The following NXN variants were observed in gnomAD, a reference collection of about 807,000 sequenced individuals.
The protein encoded by NXN is nucleoredoxin 1.
Under a neutral mutation model 48.6 loss-of-function variants are expected in NXN, and 16 were observed. The observed-to-expected ratio is 0.33, with a 90% CI of 0.22 to 0.50. The LOEUF is 0.50. NXN is among the 20% of genes least tolerant of loss of function. The pLI is 0.98. For missense variants in NXN, 492 were observed against 605.5 expected (o/e 0.81, Z 1.97); for synonymous variants, 281 against 269.6 (o/e 1.04, Z -0.41).
chr17:934,087 G>T (rs1444432181), intron 1 of NXN, among the ~76,000 whole-genome samples: 2 of 152,194 alleles, frequency 1.3e-5, no homozygotes, highest in Non-Finnish European at 1.5e-5. Flanking sequence ...CATACATGCA[G>T]ACTATGGGGA....
intron 1 of NXN, among the ~76,000 whole-genome samples, chr17:961,299 C>G (rs1332530302): frequency 6.6e-6 from 1 of 151,688 alleles, no homozygotes; most frequent in Non-Finnish European, 1.5e-5. Flanking sequence ...GCGGGAGAAT[C>G]GCTTGAACCC....
rs1911156901 is a variant in NXN at position 800,724 on chromosome 17, C to T, written c.*225G>A. The T allele has an allele frequency of 1.1e-5, 4 of 374,064 alleles. No homozygotes were observed. Among genetic ancestry groups the T allele is most frequent in the African/African-American group, 2.1e-5 (1 of 48,086 alleles). The allele number at this position is 374,064 out of a possible 1,614,324, so 23.2% of individuals were successfully genotyped here. A position where few individuals can be genotyped will look rare whatever the true frequency, so the allele number is the denominator to read the frequency against. ...GCTCTGGCCGGGCCCCCGGCCATCC[C>T]GTGCTCCCAAACAGAGTCTCCAAAC... On this transcript the variant is annotated 3_prime_UTR_variant, in exon 8 of 8. Transcript: ENST00000336868.
intron 1 of NXN, among the ~76,000 whole-genome samples, chr17:963,650 G>C (rs1157908957): frequency 6.6e-5 from 10 of 151,864 alleles, no homozygotes; most frequent in African/African-American, 2.4e-4. Context: ...ATGCTAAATT[G>C]ATTTGCGCAA....
At chr17:811,951 G>C (rs79247057) in intron 5 of NXN, among the ~76,000 whole-genome samples, 1 of 129,408 alleles carries the variant, frequency 7.7e-6, no homozygotes, top group Non-Finnish European at 1.6e-5. Context: ...TTTTTGAGAC[G>C]GAGTCTCGCT....
At chr17:876,249 G>GAAGAAAAGAAAAGAAAAGAA (rs572383467) in intron 1 of NXN, among the ~76,000 whole-genome samples, 2,170 of 150,158 alleles carry the variant, frequency 0.014, 32 homozygotes, top group African/African-American at 0.035. Flanking sequence ...GAAGAGAAGA[G>GAAGAAAAGAAAAGAAAAGAA]AAGAAAAGAA....
intron 7 of NXN, among the ~76,000 whole-genome samples, chr17:802,482 C>T (rs181308166): frequency 2.6e-5 from 4 of 152,324 alleles, no homozygotes; most frequent in Non-Finnish European, 4.4e-5. Flanking sequence ...CTGTGCCTGG[C>T]GTACAGAAAA....
chr17:835,065 T>G (rs1913715969), intron 1 of NXN, among the ~76,000 whole-genome samples: 1 of 150,950 alleles, frequency 6.6e-6, no homozygotes, highest in Non-Finnish European at 1.5e-5. Flanking sequence ...TCCCAGCACT[T>G]TGGGAGGCCG....
intron 1 of NXN, among the ~76,000 whole-genome samples, chr17:969,161 C>A (rs917358278): frequency 1.3e-5 from 2 of 152,074 alleles, no homozygotes; most frequent in Admixed American, 1.3e-4. Flanking sequence ...AACATTTAAA[C>A]GGCACGTGCT....
intron 1 of NXN, among the ~76,000 whole-genome samples, chr17:976,043 C>T (rs1597293443): frequency 6.6e-6 from 1 of 152,248 alleles, no homozygotes; most frequent in Middle Eastern, 3.4e-3. Context: ...TTATGCACAG[C>T]TATATAATAA....
At chr17:885,806 G>A (rs1412340449) in intron 1 of NXN, among the ~76,000 whole-genome samples, 1 of 147,934 alleles carries the variant, frequency 6.8e-6, no homozygotes, top group Non-Finnish European at 1.5e-5. Flanking sequence ...TCAGCCTCCC[G>A]AGTAGCTGGG....
At position 929,575 on chromosome 17, in the gene NXN, G is replaced by A. The variant is rs1378776911; in HGVS notation, c.360+49744C>T. ...TGGGCTTATTGTCCAAAATAGAAGG[G>A]CGATCAACCAGCTAACAGGAACTAA... On this transcript the variant is annotated intron_variant, in intron 1 of 7. Transcript: ENST00000336868. 2.6e-5 allele frequency: 4 copies of A among 152,252 alleles called. No individual in the cohort carries two copies. In the South Asian group the frequency reaches 6.2e-4, roughly 24 times the overall value. 9.4% of individuals were successfully genotyped at this position (152,252 alleles called of 1,614,324 possible).
intron 1 of NXN, among the ~76,000 whole-genome samples, chr17:874,983 G>A (rs1017984732): frequency 2.0e-5 from 3 of 151,908 alleles, no homozygotes; most frequent in East Asian, 3.9e-4. Flanking sequence ...CATTGGTGAA[G>A]CACTTTGTGT....
intron 1 of NXN, among the ~76,000 whole-genome samples, chr17:935,551 C>T (rs1032170940): frequency 1.3e-5 from 2 of 152,154 alleles, no homozygotes; most frequent in African/African-American, 4.8e-5. Flanking sequence ...CTGGCGGCTG[C>T]AACAAACATG....
At chr17:816,318 C>T (rs376624738) in intron 5 of NXN, among the ~76,000 whole-genome samples, 6 of 147,932 alleles carry the variant, frequency 4.1e-5, no homozygotes, top group East Asian at 2.0e-4. Flanking sequence ...AAAATGCTTA[C>T]AGCCCCCCAG....
intron 5 of NXN, among the ~76,000 whole-genome samples, chr17:810,187 T>TTACGAGTCTGTGAGTGGCGTGCAC (rs1911884431): frequency 3.0e-5 from 2 of 66,684 alleles, no homozygotes; most frequent in African/African-American, 1.3e-4. Context: ...CTGGCGTGCA[T>TTACGAGTCTGTGAGTGGCGTGCAC]GTTACGAGTC....
chr17:852,470 GTAGACAGACTTGCCTC>G (rs910879836), intron 1 of NXN, among the ~76,000 whole-genome samples: 23 of 152,194 alleles, frequency 1.5e-4, no homozygotes, highest in Admixed American at 1.5e-3. Context: ...GATGGATTAT[GTAGACAGACTTGCCTC>G]TGAATGTCCA....
chr17:821,828 T>C (rs1398013632), intron 4 of NXN, among the ~76,000 whole-genome samples: 1 of 151,044 alleles, frequency 6.6e-6, no homozygotes, highest in Non-Finnish European at 1.5e-5. Context: ...TTTTCCATCC[T>C]CCCCCTTCCT....
chr17:944,367 A>G (rs547935372), intron 1 of NXN, among the ~76,000 whole-genome samples: 2 of 152,340 alleles, frequency 1.3e-5, no homozygotes, highest in South Asian at 2.1e-4. Context: ...TCCAAGATCA[A>G]ATACGCTTCT....
chr17:867,694 G>A (rs937012145), intron 1 of NXN, among the ~76,000 whole-genome samples: 1 of 152,170 alleles, frequency 6.6e-6, no homozygotes, highest in African/African-American at 2.4e-5. Context: ...GGGAGGCCAA[G>A]GCAGGTGGAA....
Sources: allele counts gnomAD v4.1 joint callset (sites outside exome capture counted in the v4.1 genomes callset), GRCh38; gene constraint gnomAD v4.1.1; transcripts MANE v1.5; gene names NCBI Gene and HGNC (gene_info 2026-07-23, HGNC 2026-07-21).